BCAS3: variants seen among roughly 807,000 people sequenced by gnomAD.
The protein encoded by BCAS3 is BCAS4/BCAS3 fusion.
A neutral mutation model predicts 116.1 loss-of-function variants in BCAS3; 53 were observed. The ratio of observed to expected loss-of-function variants is 0.46; its 90% CI spans 0.37 to 0.57. BCAS3 has a LOEUF of 0.57. BCAS3 is among the 20% of genes least tolerant of loss of function. BCAS3 has a pLI of 0.00. For missense variants in BCAS3, 917 were observed against 1,165.4 expected (o/e 0.79, Z 3.10); for synonymous variants, 391 against 408.2 (o/e 0.96, Z 0.51).
chr17:61,084,217 T>C lies in BCAS3; in HGVS notation c.2328-250T>C, dbSNP rs2286635. On this transcript the variant is annotated intron_variant, in intron 21 of 23. Transcript: ENST00000407086. This position sits in a 1 kb window ranked among gnomAD's most constrained non-coding sequence, Gnocchi z 5.5. The stretch of plus-strand genomic sequence containing the variant: ...CTTTAAATTAATGTCAGCTTTTCAG[T>C]CCCTTCCTTAAAAATCTATGGAATA... Among the ~76,000 whole-genome samples the C allele has an allele frequency of 0.1, 15,247 of 151,896 alleles. 2,295 individuals carry two copies. Among genetic ancestry groups the C allele is most frequent in the African/African-American group, 0.33 (13,699 of 41,192 alleles).
At position 61,100,068 on chromosome 17, in the gene BCAS3, A is replaced by G. The variant is rs1196303220; in HGVS notation, c.2425+15504A>G. On this transcript the variant is annotated intron_variant, in intron 22 of 23. Coordinates refer to ENST00000407086, the MANE Select transcript of BCAS3 (RefSeq NM_017679.5). Reference sequence around the variant, plus strand: ...ACCTATTTTACTTTGGTGTTCTACAATATTTGGAAAGGCAACAGTTATTAT... The same window carrying G: ...ACCTATTTTACTTTGGTGTTCTACAGTATTTGGAAAGGCAACAGTTATTAT... Among the ~76,000 whole-genome samples the G allele has an allele frequency of 3.3e-5, 5 of 152,172 alleles. No individual in the cohort carries two copies. The South Asian group carries it at 6.2e-4, about 19-fold the overall frequency.
chr17:60,699,738 G>C (rs2036127413), intron 4 of BCAS3, among the ~76,000 whole-genome samples: 1 of 152,034 alleles, frequency 6.6e-6, no homozygotes, highest in African/African-American at 2.4e-5. Flanking sequence ...TACGGGAGAT[G>C]GAGGTAAAGA....
chr17:60,820,217 G>A (rs893475295), intron 7 of BCAS3, among the ~76,000 whole-genome samples: 2 of 151,940 alleles, frequency 1.3e-5, no homozygotes, highest in Non-Finnish European at 2.9e-5. Flanking sequence ...ACAGGCACCC[G>A]CCACCACGCC....
In BCAS3 at chr17:61,363,037, C is replaced by T. The variant is rs1273346783; in HGVS notation, c.2426-5290C>T. Among the ~76,000 whole-genome samples the T allele has an allele frequency of 2.6e-5, 4 of 152,146 alleles. 1 individual carries two copies. The highest frequency in any genetic ancestry group is 4.8e-5 in the African/African-American group (2 of 41,428). On this transcript the variant is annotated intron_variant, in intron 22 of 23. Coordinates refer to ENST00000407086, the MANE Select transcript of BCAS3 (RefSeq NM_017679.5). The surrounding 1 kb of genome is among the most constrained non-coding windows in gnomAD (Gnocchi z 4.9). ...TTGAGCAAGCATGATGTACAAAGTT[C>T]GGTGCCTATTTTCATTATGGAGGAA...
rs1315689499 is a variant in BCAS3 at position 61,366,174 on chromosome 17, G to C, written c.2426-2153G>C. Among the ~76,000 whole-genome samples the C allele has an allele frequency of 1.3e-5, 2 of 151,948 alleles. No homozygotes were observed. The highest frequency in any genetic ancestry group is 2.9e-5 in the Non-Finnish European group (2 of 68,000). Reference sequence around the variant, plus strand: ...AAAAAAAAGTTGAGCCAACAGGGAGGAGGAGGGCCCACGTTTTCTTGTTAT... The same window carrying C: ...AAAAAAAAGTTGAGCCAACAGGGAGCAGGAGGGCCCACGTTTTCTTGTTAT... On this transcript the variant is annotated intron_variant, in intron 22 of 23. Coordinates refer to ENST00000407086, the MANE Select transcript of BCAS3 (RefSeq NM_017679.5). This position sits in a 1 kb window ranked among gnomAD's most constrained non-coding sequence, Gnocchi z 4.5.
At chr17:61,117,828 T>C (rs2091831778) in intron 22 of BCAS3, among the ~76,000 whole-genome samples, 2 of 152,244 alleles carry the variant, frequency 1.3e-5, no homozygotes, top group South Asian at 4.2e-4. Flanking sequence ...GAGTAGTATA[T>C]TTGCTATAAC....
intron 1 of BCAS3, among the ~76,000 whole-genome samples, 169 bp downstream of exon 1, chr17:60,678,083 G>A (rs547230154): frequency 2.2e-4 from 34 of 152,340 alleles, no homozygotes; most frequent in African/African-American, 7.7e-4. Context: ...GGGCAGCGGT[G>A]GCTCCGTGTT....
intron 15 of BCAS3, among the ~76,000 whole-genome samples, chr17:61,002,906 TTGTTGTTTA>T (rs990128824): frequency 4.7e-4 from 72 of 152,226 alleles, no homozygotes; most frequent in South Asian, 2.9e-3. Context: ...ACACTTACTG[TTGTTGTTTA>T]CCCTTTAAAT....
rs1027523479 is a variant in BCAS3, at chr17:60,962,782, G to T, written c.1221+15430G>T. ...TTGTCTATTTTGCTTTGGTTGTCTA[G>T]GTTTTGAGGTCTTACACAAAAAGGC... is the stretch of plus-strand genomic sequence containing the variant. On this transcript the variant is annotated intron_variant, in intron 14 of 23. Transcript: ENST00000407086. This position sits in a 1 kb window ranked among gnomAD's most constrained non-coding sequence, Gnocchi z 4.4. 1.1e-4 allele frequency among the ~76,000 whole-genome samples: 17 copies of T among 152,116 alleles called. No homozygotes were observed. Among genetic ancestry groups the T allele is most frequent in the African/African-American group, 3.9e-4 (16 of 41,424 alleles).
chr17:60,785,600 A>G (rs990743624), intron 6 of BCAS3, among the ~76,000 whole-genome samples: 3 of 152,228 alleles, frequency 2.0e-5, no homozygotes, highest in Non-Finnish European at 4.4e-5. Context: ...TGTTACAGCC[A>G]TATTATGCAA....
At chr17:61,030,658 A>AT (rs2066566850) in intron 16 of BCAS3, among the ~76,000 whole-genome samples, 1 of 151,862 alleles carries the variant, frequency 6.6e-6, no homozygotes, top group South Asian at 2.1e-4. Context: ...TTAGCATCTT[A>AT]TTTGTTAATT....
At chr17:60,772,332 C>T (rs550675016) in intron 6 of BCAS3, among the ~76,000 whole-genome samples, 63 of 152,006 alleles carry the variant, frequency 4.1e-4, no homozygotes, top group Non-Finnish European at 8.5e-4. Flanking sequence ...TTTCACGTGT[C>T]TGTTGGCTGC....
At chr17:60,699,339 C>T (rs2036076289) in intron 4 of BCAS3, among the ~76,000 whole-genome samples, 1 of 152,034 alleles carries the variant, frequency 6.6e-6, no homozygotes, top group African/African-American at 2.4e-5. Context: ...CTCAGCCTCT[C>T]CAGTAGCTAG....
chr17:61,086,949 A>G, intron 22 of BCAS3: 1 of 985,396 alleles, frequency 1.0e-6, no homozygotes, highest in Non-Finnish European at 1.2e-6. Context: ...AATAGGACCA[A>G]CTGTTGTCAA....
chr17:61,059,836 G>A (rs541380626), intron 19 of BCAS3, among the ~76,000 whole-genome samples: 1 of 152,078 alleles, frequency 6.6e-6, no homozygotes, highest in Non-Finnish European at 1.5e-5. Flanking sequence ...GACCAGCCTG[G>A]CCAACATGGT....
intron 12 of BCAS3, among the ~76,000 whole-genome samples, chr17:60,922,049 AATT>A (rs1399243479): frequency 4.6e-5 from 7 of 152,176 alleles, no homozygotes; most frequent in Non-Finnish European, 8.8e-5. Flanking sequence ...TTAATAAAAC[AATT>A]ATTAGTATAT....
At chr17:61,022,887 C>T (rs1433206697) in intron 16 of BCAS3, among the ~76,000 whole-genome samples, 1 of 152,112 alleles carries the variant, frequency 6.6e-6, no homozygotes, top group Non-Finnish European at 1.5e-5. Flanking sequence ...CTTGCCTTAG[C>T]CTCCCAAAGT....
intron 5 of BCAS3, among the ~76,000 whole-genome samples, chr17:60,745,951 A>G (rs1270430327): frequency 2.7e-5 from 4 of 150,796 alleles, no homozygotes; most frequent in East Asian, 1.9e-4. Context: ...TAGTTACTCT[A>G]AAAGAGAGCT....
At chr17:61,284,978 A>G (rs573064776) in intron 22 of BCAS3, among the ~76,000 whole-genome samples, 1 of 152,320 alleles carries the variant, frequency 6.6e-6, no homozygotes, top group Non-Finnish European at 1.5e-5. Flanking sequence ...AGTGTCATCA[A>G]GGTTCTCTCC....
Sources: gnomAD v4.1 joint callset for allele counts (sites outside exome capture counted in the v4.1 genomes callset) on GRCh38, gnomAD v4.1.1 for gene constraint, Gnocchi (gnomAD v3.1) non-coding constraint, MANE v1.5 for transcripts, NCBI Gene and HGNC (gene_info 2026-07-23, HGNC 2026-07-21) for gene names.